C5: variants seen among roughly 807,000 people sequenced by gnomAD.
C5 encodes complement C5.
In C5, 140 loss-of-function variants were observed where a neutral mutation model predicts 218.8. The ratio of observed to expected loss-of-function variants is 0.64; its 90% CI spans 0.56 to 0.74. C5 has a LOEUF of 0.74. Ranked by LOEUF, C5 falls within the 30% of genes least tolerant of loss-of-function variation. C5 has a pLI of 0.00. For missense variants in C5, 1,700 were observed against 1,969.6 expected (o/e 0.86, Z 2.59); for synonymous variants, 614 against 682.3 (o/e 0.90, Z 1.56).
At chr9:121,012,905 G>A (rs981134211) in intron 17 of C5, among the ~76,000 whole-genome samples, 12 of 152,068 alleles carry the variant, frequency 7.9e-5, no homozygotes, top group Non-Finnish European at 1.2e-4. Context: ...GAAAAAATAC[G>A]GTATTATAAT....
At chr9:120,963,127 A>T (rs2046839900) in intron 34 of C5, among the ~76,000 whole-genome samples, 160 bp from the exon 35 acceptor site, 1 of 152,272 alleles carries the variant, frequency 6.6e-6, no homozygotes, top group Non-Finnish European at 1.5e-5. Context: ...ACATTAGCAT[A>T]TAAACTCATA....
chr9:121,018,700 GAAAGAAAGA>G (rs1411942748), intron 12 of C5, among the ~76,000 whole-genome samples: 13 of 142,144 alleles, frequency 9.1e-5, no homozygotes, highest in Non-Finnish European at 1.2e-4. Flanking sequence ...GGGAGGGAAA[GAAAGAAAGA>G]AAAGAAAGAA....
At chr9:120,952,967 A>T in intron 40 of C5, 99 bp from the exon 41 acceptor site, 4 of 1,310,736 alleles carry the variant, frequency 3.1e-6, no homozygotes, top group Non-Finnish European at 4.3e-6. Flanking sequence ...TCAGTCGCCC[A>T]TGCTGGAGTG....
chr9:121,037,923 G>C lies in C5; in HGVS notation c.450C>G (p.Asp150Glu). ...SVKVRVYSLN[D>E]DLKPAKRETV... Reference sequence around the variant, plus strand: ...TTTCTCTTTTGGCTGGCTTCAAGTCGTCATTCAACGAATAAACTCTAACTT... The same window carrying C: ...TTTCTCTTTTGGCTGGCTTCAAGTCCTCATTCAACGAATAAACTCTAACTT... Residue 150 changes from aspartate (D) to glutamate (E), a missense_variant, in exon 4 of 41, where the codon GAC (aspartate) becomes GAG (glutamate). Asp to Glu is a conservative substitution (Grantham distance 45, BLOSUM62 2). Transcript: ENST00000223642. The C allele has an allele frequency of 6.5e-7, 1 of 1,529,092 alleles. No homozygotes were observed. Among genetic ancestry groups the C allele is most frequent in the Non-Finnish European group, 9.0e-7 (1 of 1,115,568 alleles). The allele number at this position is 1,529,092 out of a possible 1,614,324, so 94.7% of individuals were successfully genotyped here.
intron 18 of C5, among the ~76,000 whole-genome samples, 196 bp downstream of exon 18, chr9:121,008,212 C>A (rs1238311438): frequency 1.3e-5 from 2 of 151,838 alleles, no homozygotes; most frequent in African/African-American, 4.8e-5. Context: ...TGACCTGGAG[C>A]CAATCACCAG....
At chr9:120,967,596 C>T (rs566223697) in intron 33 of C5, among the ~76,000 whole-genome samples, 27 of 152,044 alleles carry the variant, frequency 1.8e-4, no homozygotes, top group Non-Finnish European at 2.8e-4. Flanking sequence ...GACTGAGGGA[C>T]GATGGAAAGA....
At position 120,994,818 on chromosome 9, in the gene C5, A is replaced by G. The variant is rs190989283; in HGVS notation, c.2851+1422T>C. ...ACAGAGATTTATTCCCAGATAAAAG[A>G]TTGTTCCTATCCTGTGGCCTTGATG... On this transcript the variant is annotated intron_variant, in intron 22 of 40. Coordinates refer to ENST00000223642, the MANE Select transcript of C5 (RefSeq NM_001735.3). 2.0e-5 allele frequency among the ~76,000 whole-genome samples: 3 copies of G among 152,056 alleles called. No individual in the cohort carries two copies. The East Asian group carries it at 5.8e-4, about 29-fold the overall frequency.
At chr9:121,074,756 G>A in the C5 span, 1 of 453,518 alleles carries the variant, frequency 2.2e-6, no homozygotes, top group Non-Finnish European at 4.4e-6. Flanking sequence ...CACTTCACCT[G>A]CAACGCAATC....
rs41308042 is a variant in C5, at chr9:121,027,340, T to A, written c.759-66A>T. 2,001 of 840,524 alleles carry A rather than the reference T, an allele frequency of 2.4e-3. 22 individuals carry two copies. In the African/African-American group the frequency reaches 0.029, roughly 12 times the overall value. The allele number at this position is 840,524 out of a possible 1,614,324, so 52.1% of individuals were successfully genotyped here. A position where few individuals can be genotyped will look rare whatever the true frequency, so the allele number is the denominator to read the frequency against. On this transcript the variant is annotated intron_variant, in intron 7 of 40. Transcript: ENST00000223642. ...ACAATAACAGGATTCAGATAAAATG[T>A]AACAATTTGAAATTACGTAAAGCAC...
intron 37 of C5, 89 bp from the exon 38 acceptor site, chr9:120,960,426 G>C (rs2046818498): frequency 5.9e-6 from 5 of 848,454 alleles, no homozygotes; most frequent in Non-Finnish European, 4.0e-6. Context: ...CATGAGCCCA[G>C]AGACAACCCA....
At chr9:120,966,894 A>T (rs1320433869) in intron 33 of C5, among the ~76,000 whole-genome samples, 1 of 152,138 alleles carries the variant, frequency 6.6e-6, no homozygotes, top group Non-Finnish European at 1.5e-5. Context: ...ACTGGGAAAC[A>T]GCTGGGAGGG....
intron 9 of C5, 48 bp from the exon 10 acceptor site, chr9:121,023,567 A>G (rs754713691): frequency 4.1e-6 from 4 of 982,164 alleles, no homozygotes; most frequent in Non-Finnish European, 6.6e-6. Context: ...GAGTATCATG[A>G]TCTGTATGGA....
chr9:120,959,104 G>A (rs549500398), intron 38 of C5, among the ~76,000 whole-genome samples: 2 of 151,658 alleles, frequency 1.3e-5, no homozygotes, highest in East Asian at 4.0e-4. Flanking sequence ...AAGTTCTTAC[G>A]AGACCCTTTC....
At chr9:121,008,593 A>T in intron 17 of C5, 95 bp from the exon 18 acceptor site, 1 of 902,744 alleles carries the variant, frequency 1.1e-6, no homozygotes, top group Non-Finnish European at 1.8e-6. Flanking sequence ...TAACTTAAGC[A>T]TTTTCTGAAA....
At chr9:121,069,576 T>A in the C5 span, among the ~76,000 whole-genome samples, 2 of 151,690 alleles carry the variant, frequency 1.3e-5, no homozygotes, top group Admixed American at 6.6e-5. Context: ...TGCAGTGGCA[T>A]GATGATAGCT....
rs752123568 is a variant in C5, at chr9:121,020,177, G to A, written c.1305C>T (p.Val435=). The A allele has an allele frequency of 1.9e-6, 3 of 1,612,652 alleles. No individual in the cohort carries two copies. The highest frequency in any genetic ancestry group is 1.7e-6 in the Non-Finnish European group (2 of 1,178,714). Residue 435 remains valine (V), a splice_region_variant and synonymous_variant, in exon 12 of 41, where the codon GTC becomes GTT. Coordinates refer to ENST00000223642, the MANE Select transcript of C5 (RefSeq NM_001735.3). ...PSGVTVLEFN[V]KTDAPDLPEE... ...CTGGAAGATCTGGAGCATCAGTTTT[G>A]ACCTGAAAAGAGAAATTTCAAAAAG...
rs1173135301 is a variant in C5, at chr9:121,030,407, T to C, written c.748A>G (p.Ile250Val). Residue 250 changes from isoleucine (I) to valine (V), a missense_variant, in exon 7 of 41, where the codon ATA (isoleucine) becomes GTA (valine). Transcript: ENST00000223642. ...YKNFKNFEITIKARYFYNKVV... is the reference protein window; with the variant it reads ...YKNFKNFEITVKARYFYNKVV... ...AACAAATGTTCTTACCTTGCTTTTA[T>C]AGTAATTTCAAAATTCTTAAAGTTC... is the stretch of plus-strand genomic sequence containing the variant. 2 of 1,469,162 alleles carry C rather than the reference T, an allele frequency of 1.4e-6. No homozygotes were observed. Among genetic ancestry groups the C allele is most frequent in the South Asian group, 1.3e-5 (1 of 78,896 alleles). 91.0% of individuals were successfully genotyped at this position (1,469,162 alleles called of 1,614,324 possible).
At chr9:120,997,145 G>A (rs2047123420) in intron 21 of C5, among the ~76,000 whole-genome samples, 2 of 151,764 alleles carry the variant, frequency 1.3e-5, no homozygotes, top group African/African-American at 2.4e-5. Context: ...CTTGCATAAT[G>A]TCTGGCACAT....
chr9:121,026,269 G>A (rs2047422530), intron 8 of C5, among the ~76,000 whole-genome samples: 1 of 152,060 alleles, frequency 6.6e-6, no homozygotes, highest in African/African-American at 2.4e-5. Context: ...TATCATCTGT[G>A]GTATAATGTA....
Sources: allele counts gnomAD v4.1 joint callset (sites outside exome capture counted in the v4.1 genomes callset), GRCh38; gene constraint gnomAD v4.1.1; transcripts MANE v1.5; gene names NCBI Gene and HGNC (gene_info 2026-07-23, HGNC 2026-07-21).